The following ULK4 variants were observed in gnomAD, a reference collection of about 807,000 sequenced individuals.
ULK4 encodes inactive serine/threonine-protein kinase ULK4.
A neutral mutation model predicts 160.6 loss-of-function variants in ULK4; 133 were observed. The observed-to-expected ratio is 0.83, with a 90% confidence interval of 0.72 to 0.96. The LOEUF (loss-of-function observed/expected upper bound fraction) is 0.96, where lower values mean the gene tolerates loss of function less well. Ranked by LOEUF, ULK4 falls within the 40% of genes least tolerant of loss-of-function variation. The probability of loss-of-function intolerance (pLI) is 0.00; values close to 1 mark genes in which losing one functional copy is unlikely to be tolerated. For synonymous variants in ULK4, 534 were observed against 539.8 expected (o/e 0.99, Z 0.15); for missense variants, 1,580 against 1,499.5 (o/e 1.05, Z -0.89).
At chr3:41,707,824 T>C (rs1170776953) in intron 25 of ULK4, among the ~76,000 whole-genome samples, 4 of 147,498 alleles carry the variant, frequency 2.7e-5, no homozygotes, top group African/African-American at 5.2e-5. Context: ...CAAGACCTTG[T>C]CTCCAAAAAA....
chr3:41,448,851 A>T (rs1018040297), intron 34 of ULK4, among the ~76,000 whole-genome samples: 2 of 152,182 alleles, frequency 1.3e-5, no homozygotes, highest in African/African-American at 4.8e-5. Context: ...TCATTCACTG[A>T]CAGACAAAGC....
At chr3:41,814,222 G>C (rs1303949797) in intron 19 of ULK4, among the ~76,000 whole-genome samples, 1 of 152,176 alleles carries the variant, frequency 6.6e-6, no homozygotes, top group African/African-American at 2.4e-5. Flanking sequence ...TTGGATTTCT[G>C]TGTAAATTTT....
intron 32 of ULK4, among the ~76,000 whole-genome samples, chr3:41,502,557 C>A (rs768368870): frequency 1.3e-5 from 2 of 152,118 alleles, no homozygotes; most frequent in Non-Finnish European, 2.9e-5. Context: ...AAAATGTCCA[C>A]CAGCTGGGAA....
At chr3:41,716,595 G>C (rs1054347473) in intron 23 of ULK4, among the ~76,000 whole-genome samples, 1 of 152,146 alleles carries the variant, frequency 6.6e-6, no homozygotes, top group Non-Finnish European at 1.5e-5. Flanking sequence ...CTGTCAGTTA[G>C]CCTTGAAGAC....
intron 22 of ULK4, among the ~76,000 whole-genome samples, chr3:41,725,542 T>C (rs573334837): frequency 6.6e-6 from 1 of 152,314 alleles, no homozygotes; most frequent in African/African-American, 2.4e-5. Context: ...TTTTCAGTTC[T>C]AGAATATCCA....
intron 7 of ULK4, among the ~76,000 whole-genome samples, chr3:41,916,314 C>A (rs1208135358): frequency 1.3e-5 from 2 of 152,176 alleles, no homozygotes; most frequent in South Asian, 4.1e-4. Context: ...CTTAACAAAC[C>A]TCTAAGCCTT....
intron 34 of ULK4, among the ~76,000 whole-genome samples, chr3:41,403,478 C>A (rs2082227338): frequency 6.6e-6 from 1 of 152,160 alleles, no homozygotes; most frequent in African/African-American, 2.4e-5. Flanking sequence ...TTTCTGTCTT[C>A]TCTCTTCTTT....
In ULK4 at chr3:41,248,732, A is replaced by T. The variant is rs1242088727; in HGVS notation, c.3764+757T>A. On this transcript the variant is annotated intron_variant, in intron 36 of 36. Coordinates refer to ENST00000301831, the MANE Select transcript of ULK4 (RefSeq NM_017886.4). ...AGGTCCAGTGAAGGTCAGGCACCCCATAGGAGGCGGGTCCTTCTCCCCAGG... is the reference window on the plus strand; with the variant it reads ...AGGTCCAGTGAAGGTCAGGCACCCCTTAGGAGGCGGGTCCTTCTCCCCAGG... 2.0e-5 allele frequency among the ~76,000 whole-genome samples: 3 copies of T among 152,250 alleles called. No homozygotes were observed. The South Asian group carries it at 6.2e-4, about 32-fold the overall frequency.
chr3:41,378,570 G>T (rs1052894835), intron 35 of ULK4, among the ~76,000 whole-genome samples: 168 of 151,546 alleles, frequency 1.1e-3, no homozygotes, highest in African/African-American at 4.0e-3. Flanking sequence ...CTCATAGGTG[G>T]GAACTGAACA....
At chr3:41,571,211 C>A (rs188393824) in intron 31 of ULK4, among the ~76,000 whole-genome samples, 2 of 152,294 alleles carry the variant, frequency 1.3e-5, no homozygotes, top group East Asian at 1.9e-4. Flanking sequence ...TGCCTTCTTG[C>A]ATAGTGCAGC....
At chr3:41,362,100 T>C (rs1371307014) in intron 35 of ULK4, among the ~76,000 whole-genome samples, 2 of 152,186 alleles carry the variant, frequency 1.3e-5, no homozygotes, top group African/African-American at 4.8e-5. Context: ...GAGCCCACTT[T>C]TCAGTTGTGT....
chr3:41,471,124 C>T (rs1376629483), intron 32 of ULK4, among the ~76,000 whole-genome samples: 1 of 151,982 alleles, frequency 6.6e-6, no homozygotes, highest in East Asian at 1.9e-4. Context: ...CTTTTAAGGA[C>T]ACACACAAAC....
intron 17 of ULK4, among the ~76,000 whole-genome samples, chr3:41,836,695 A>T (rs2125654645): frequency 6.6e-6 from 1 of 152,278 alleles, no homozygotes; most frequent in South Asian, 2.1e-4. Context: ...TATTGCATTA[A>T]ACTTTTACAT....
chr3:41,658,919 A>T (rs2125753765), intron 30 of ULK4, among the ~76,000 whole-genome samples: 1 of 151,778 alleles, frequency 6.6e-6, no homozygotes, highest in Non-Finnish European at 1.5e-5. Context: ...TCCCCAATCA[A>T]ACAGAATTTT....
chr3:41,934,457 T>C (rs939989717), intron 4 of ULK4, among the ~76,000 whole-genome samples: 1 of 152,242 alleles, frequency 6.6e-6, no homozygotes, highest in Non-Finnish European at 1.5e-5. Context: ...ACCAGTAATA[T>C]GTACAATTCC....
chr3:41,320,546 T>C (rs888032455), intron 35 of ULK4, among the ~76,000 whole-genome samples: 27 of 152,206 alleles, frequency 1.8e-4, no homozygotes, highest in Non-Finnish European at 3.5e-4. Flanking sequence ...AACTTCTTCC[T>C]GCCACTGTCC....
Position 41,720,675 on chromosome 3 carries a change from G to C in ULK4, c.2322-2814C>G, listed in dbSNP as rs1575605279. ...ACATTCCATTTCGCTCCTAATAAAA[G>C]AAATATACATACAATGACATCTATT... On this transcript the variant is annotated intron_variant, in intron 22 of 36. Transcript: ENST00000301831. Among the ~76,000 whole-genome samples the C allele has an allele frequency of 2.0e-5, 3 of 151,942 alleles. 1 individual carries two copies. The South Asian group carries it at 6.2e-4, about 31-fold the overall frequency.
intron 35 of ULK4, among the ~76,000 whole-genome samples, chr3:41,301,148 T>C (rs2129648): frequency 6.6e-6 from 1 of 151,820 alleles, no homozygotes; most frequent in Non-Finnish European, 1.5e-5. Context: ...CTGGGGATCA[T>C]CCACACTGCC....
intron 34 of ULK4, among the ~76,000 whole-genome samples, chr3:41,428,224 C>T (rs1418399609): frequency 6.6e-6 from 1 of 152,100 alleles, no homozygotes; most frequent in Non-Finnish European, 1.5e-5. Context: ...AGTGAAAGAT[C>T]TCTTCAAGGA....
Sources: gnomAD v4.1 joint callset for allele counts (sites outside exome capture counted in the v4.1 genomes callset) on GRCh38, gnomAD v4.1.1 for gene constraint, MANE v1.5 for transcripts, NCBI Gene and HGNC (gene_info 2026-07-23, HGNC 2026-07-21) for gene names.